Variants in PXK observed in about 807,000 individuals in gnomAD.
PXK encodes the protein PX domain-containing protein kinase-like protein.
PXK carries 35 observed loss-of-function variants against 84.7 expected under a neutral mutation model. The observed-to-expected ratio is 0.41, with a 90% CI of 0.32 to 0.55. The LOEUF (loss-of-function observed/expected upper bound fraction) is 0.55, where lower values mean the gene tolerates loss of function less well. Among genes scored for constraint, PXK ranks in the 20% least tolerant of loss-of-function variants. The pLI, the probability that PXK is intolerant of heterozygous loss-of-function variation, is 0.21. For synonymous variants in PXK, 253 were observed against 260.8 expected (o/e 0.97, Z 0.29); for missense variants, 634 against 699.7 (o/e 0.91, Z 1.06).
intron 1 of PXK, among the ~76,000 whole-genome samples, chr3:58,356,902 C>CTTTT (rs77387058): frequency 6.9e-6 from 1 of 144,252 alleles, no homozygotes. Context: ...CGCCCGGCCT[C>CTTTT]TTTTTTTTTT....
At chr3:58,344,418 T>C (rs914817863) in intron 1 of PXK, among the ~76,000 whole-genome samples, 1 of 152,236 alleles carries the variant, frequency 6.6e-6, no homozygotes, top group Non-Finnish European at 1.5e-5. Context: ...CCCCCTGTTT[T>C]TTCCTTTTTA....
chr3:58,418,908 G>C (rs4560318), intron 17 of PXK, among the ~76,000 whole-genome samples: 19,758 of 152,120 alleles, frequency 0.13, 1,969 homozygotes, highest in African/African-American at 0.27. Context: ...TCGCAAAACA[G>C]ATGAATAAGA....
intron 3 of PXK, among the ~76,000 whole-genome samples, chr3:58,378,559 A>G (rs1220939385): frequency 9.7e-6 from 1 of 102,734 alleles, no homozygotes; most frequent in Non-Finnish European, 1.8e-5. Flanking sequence ...TGTGTGACGA[A>G]GTTTCGCTCT....
chr3:58,352,107 T>C (rs115798882), intron 1 of PXK, among the ~76,000 whole-genome samples: 2,153 of 152,298 alleles, frequency 0.014, 63 homozygotes, highest in African/African-American at 0.049. Flanking sequence ...GACTGGAAAA[T>C]GTGTGCCCTC....
At chr3:58,417,419 C>T (rs957427238) in intron 17 of PXK, among the ~76,000 whole-genome samples, 2 of 152,160 alleles carry the variant, frequency 1.3e-5, no homozygotes, top group East Asian at 1.9e-4. Context: ...AGGGGTCTTA[C>T]CCTTATGAGC....
chr3:58,404,317 G>A (rs778321097), intron 13 of PXK, among the ~76,000 whole-genome samples: 6 of 152,152 alleles, frequency 3.9e-5, no homozygotes, highest in Non-Finnish European at 7.3e-5. Context: ...AATATTAGCT[G>A]TTATCTACAG....
At chr3:58,359,584 C>G (rs376724427) in intron 1 of PXK, among the ~76,000 whole-genome samples, 3 of 151,198 alleles carry the variant, frequency 2.0e-5, no homozygotes, top group Admixed American at 1.3e-4. Context: ...GCAATCGATG[C>G]GCAAAGTGAT....
At position 58,360,954 on chromosome 3, in the gene PXK, T is replaced by C. The variant is rs182893902; in HGVS notation, c.103-4920T>C. 1.6e-3 allele frequency among the ~76,000 whole-genome samples: 240 copies of C among 152,116 alleles called. 1 individual carries two copies. The highest frequency in any genetic ancestry group is 5.3e-3 in the African/African-American group (222 of 41,506). Reference sequence around the variant, plus strand: ...TGTATAAACTGGAGGCTGCTCTAGGTCTGTGTTTCATGCTTGCTTAATAAT... The same window carrying C: ...TGTATAAACTGGAGGCTGCTCTAGGCCTGTGTTTCATGCTTGCTTAATAAT... On this transcript the variant is annotated intron_variant, in intron 1 of 17. Coordinates refer to ENST00000356151, the MANE Select transcript of PXK (RefSeq NM_017771.5).
chr3:58,399,474 G>C lies in PXK; in HGVS notation c.1181+97G>C. On this transcript the variant is annotated intron_variant, in intron 12 of 17. Coordinates refer to ENST00000356151, the MANE Select transcript of PXK (RefSeq NM_017771.5). This position sits in a 1 kb window ranked among gnomAD's most constrained non-coding sequence, Gnocchi z 4.3. Reference sequence around the variant, plus strand: ...CTGGTACTGTAGTAAAGATTCTTGCGGTCCCTGCAGAGTTGGCGTGGCCTG... The same window carrying C: ...CTGGTACTGTAGTAAAGATTCTTGCCGTCCCTGCAGAGTTGGCGTGGCCTG... The C allele has an allele frequency of 7.9e-7, 1 of 1,258,296 alleles. No homozygotes were observed. The highest frequency in any genetic ancestry group is 1.1e-6 in the Non-Finnish European group (1 of 877,362). The allele number at this position is 1,258,296 out of a possible 1,614,324, so 77.9% of individuals were successfully genotyped here. A position where few individuals can be genotyped will look rare whatever the true frequency, so the allele number is the denominator to read the frequency against.
At chr3:58,381,427 G>A (rs1218010107) in intron 3 of PXK, among the ~76,000 whole-genome samples, 3 of 151,920 alleles carry the variant, frequency 2.0e-5, no homozygotes, top group Non-Finnish European at 2.9e-5. Context: ...TGTAGGGACC[G>A]CCAGTCCTGC....
In PXK at chr3:58,425,980, CTGTTA is replaced by C. The variant is rs1307788228; in HGVS notation, c.*1024_*1028del. On this transcript the variant is annotated 3_prime_UTR_variant, in exon 18 of 18. Coordinates refer to ENST00000356151, the MANE Select transcript of PXK (RefSeq NM_017771.5). ...GTCATTGTGTATAGTTTCATGTAAT[CTGTTA>C]TGTCAGCTGTATTTTTTATTAAAAT... is the stretch of plus-strand genomic sequence containing the variant. 6 of 152,292 alleles carry C rather than the reference CTGTTA, an allele frequency of 3.9e-5. No homozygotes were observed. The highest frequency in any genetic ancestry group is 9.6e-5 in the African/African-American group (4 of 41,570). 9.4% of individuals were successfully genotyped at this position (152,292 alleles called of 1,614,324 possible). A position where few individuals can be genotyped will look rare whatever the true frequency, so the allele number is the denominator to read the frequency against.
chr3:58,359,871 G>A (rs570949866), intron 1 of PXK, among the ~76,000 whole-genome samples: 259 of 152,234 alleles, frequency 1.7e-3, no homozygotes, highest in Middle Eastern at 0.01. Context: ...CCTGAGGCTG[G>A]GCATGGTAGC....
intron 1 of PXK, among the ~76,000 whole-genome samples, chr3:58,338,596 CT>C (rs544253443): frequency 2.5e-4 from 38 of 151,886 alleles, no homozygotes; most frequent in African/African-American, 8.7e-4. Flanking sequence ...GCACTCCAGC[CT>C]GGGCGACAGA....
chr3:58,333,449 T>A lies in PXK; in HGVS notation c.102+359T>A. The stretch of plus-strand genomic sequence containing the variant: ...GCAGGAACGAGACCGCTCAGGACCA[T>A]CCACTTCTGCCCGCCGCCAGCCTTT... On this transcript the variant is annotated intron_variant, in intron 1 of 17. Coordinates refer to ENST00000356151, the MANE Select transcript of PXK (RefSeq NM_017771.5). This position sits in a 1 kb window ranked among gnomAD's most constrained non-coding sequence, Gnocchi z 5.4. 1 of 440,018 alleles carries A rather than the reference T, an allele frequency of 2.3e-6. No homozygotes were observed. The highest frequency in any genetic ancestry group is 4.6e-6 in the Non-Finnish European group (1 of 217,422). The allele number at this position is 440,018 out of a possible 1,614,324, so 27.3% of individuals were successfully genotyped here.
chr3:58,387,588 A>G (rs2098566357), intron 4 of PXK, among the ~76,000 whole-genome samples: 2 of 152,146 alleles, frequency 1.3e-5, no homozygotes, highest in African/African-American at 4.8e-5. Flanking sequence ...GTTCATTCCT[A>G]CACGGAGATC....
intron 1 of PXK, among the ~76,000 whole-genome samples, chr3:58,356,084 C>G (rs2098073426): frequency 6.6e-6 from 1 of 152,218 alleles, no homozygotes; most frequent in African/African-American, 2.4e-5. Context: ...TTAATTATCT[C>G]TTTTCCTCCC....
At chr3:58,369,804 A>G (rs2098337158) in intron 3 of PXK, among the ~76,000 whole-genome samples, 1 of 151,394 alleles carries the variant, frequency 6.6e-6, no homozygotes, top group Non-Finnish European at 1.5e-5. Context: ...AGCCTGGGCA[A>G]TAAGAGTGAA....
At chr3:58,343,720 A>G (rs146939074) in intron 1 of PXK, among the ~76,000 whole-genome samples, 144 of 152,286 alleles carry the variant, frequency 9.5e-4, no homozygotes, top group Non-Finnish European at 1.7e-3. Flanking sequence ...GGTTGATTCA[A>G]TTTCAAACTA....
intron 4 of PXK, among the ~76,000 whole-genome samples, chr3:58,387,279 G>T (rs1353562007): frequency 6.6e-6 from 1 of 152,216 alleles, no homozygotes; most frequent in East Asian, 1.9e-4. Flanking sequence ...CTAGAGGGCA[G>T]ATGCCTTCCT....
Sources: gnomAD v4.1 joint callset for allele counts (sites outside exome capture counted in the v4.1 genomes callset) on GRCh38, gnomAD v4.1.1 for gene constraint, Gnocchi (gnomAD v3.1) non-coding constraint, MANE v1.5 for transcripts, NCBI Gene and HGNC (gene_info 2026-07-23, HGNC 2026-07-21) for gene names.